The following ITPR3 variants were observed in gnomAD, a reference collection of about 807,000 sequenced individuals.
The protein encoded by ITPR3 is inositol 1,4,5-trisphosphate receptor type 3.
ITPR3 carries 173 observed loss-of-function variants against 293.2 expected under a neutral mutation model. The observed-to-expected ratio is 0.59, with a 90% CI of 0.52 to 0.67. ITPR3 has a LOEUF of 0.67. Among genes scored for constraint, ITPR3 ranks in the 30% least tolerant of loss-of-function variants. ITPR3 has a pLI of 0.00. For missense variants in ITPR3, 2,796 were observed against 3,592.1 expected (o/e 0.78, Z 5.66); for synonymous variants, 1,295 against 1,444.4 (o/e 0.90, Z 2.35).
At position 33,683,250 on chromosome 6, in the gene ITPR3, C is replaced by A; in HGVS notation, c.4641C>A (p.His1547Gln). ...TGCTGCCCATGGACCTGGATGCCCA[C>A]ATCAGCTCGATGCTCAGCAGTGGAG... Reference protein sequence around the residue: ...AILLPMDLDAHISSMLSSGAS... With the variant: ...AILLPMDLDAQISSMLSSGAS... The change falls in exon 35 of 58, where the codon CAC (histidine) becomes CAA (glutamine). Residue 1547 changes from histidine to glutamine, a missense_variant. Coordinates refer to ENST00000605930, the MANE Select transcript of ITPR3 (RefSeq NM_002224.4). The surrounding 1 kb of genome is among the most constrained non-coding windows in gnomAD (Gnocchi z 4.5). 1.3e-6 allele frequency: 2 copies of A among 1,563,482 alleles called. No individual in the cohort carries two copies. The highest frequency in any genetic ancestry group is 1.7e-6 in the Non-Finnish European group (2 of 1,152,986).
Position 33,692,696 on chromosome 6 carries a change from C to G in ITPR3, c.7459-32C>G, listed in dbSNP as rs1270293246. 1.2e-6 allele frequency: 2 copies of G among 1,608,662 alleles called. No individual in the cohort carries two copies. The highest frequency in any genetic ancestry group is 2.2e-5 in the South Asian group (2 of 90,514). ...TTGCCCCAGTGAATGTGGGGACCAC[C>G]GGGCCCAGCCTCCCTGCCTCATCCC... On this transcript the variant is annotated intron_variant, in intron 54 of 57. Coordinates refer to ENST00000605930, the MANE Select transcript of ITPR3 (RefSeq NM_002224.4). This position sits in a 1 kb window ranked among gnomAD's most constrained non-coding sequence, Gnocchi z 4.2.
chr6:33,684,291 G>A lies in ITPR3; in HGVS notation c.4938-66G>A. On this transcript the variant is annotated intron_variant, in intron 36 of 57. Transcript: ENST00000605930. The surrounding 1 kb of genome is among the most constrained non-coding windows in gnomAD (Gnocchi z 4.2). ...CCTGGGGGTGTTCCTGCCTGGGATG[G>A]GGTGGGGAAGTAGCTGGAGGGAGGC... The A allele has an allele frequency of 6.3e-7, 1 of 1,593,048 alleles. No homozygotes were observed. The highest frequency in any genetic ancestry group is 8.6e-7 in the Non-Finnish European group (1 of 1,162,514).
chr6:33,686,869 G>T, intron 43 of ITPR3, 140 bp from the exon 44 acceptor site: 1 of 704,676 alleles, frequency 1.4e-6, no homozygotes, highest in Non-Finnish European at 2.4e-6. Flanking sequence ...TCATTAAGCC[G>T]GGGGGAGGGA....
intron 24 of ITPR3, among the ~76,000 whole-genome samples, chr6:33,674,713 A>T (rs1381138138): frequency 2.0e-5 from 3 of 152,208 alleles, no homozygotes; most frequent in Non-Finnish European, 4.4e-5. Context: ...CAGAATGGTG[A>T]TTGTAAACTC....
chr6:33,693,704 A>C lies in ITPR3; in HGVS notation c.7784A>C (p.Lys2595Thr), dbSNP rs1765457740. ...GPESYVAQMI[K>T]NKNLDWFPRM... ...GAGAGCTACGTGGCCCAGATGATCA[A>C]GGTGTGAGCAGGGGCTGTGCCAGGC... The change falls in exon 56 of 58, where the codon AAG (lysine) becomes ACG (threonine). Residue 2595 changes from lysine to threonine, a missense_variant and splice_region_variant. Physicochemically the swap from Lys to Thr is moderately conservative, Grantham distance 78. This residue lies in a region of ITPR3 where 568 missense variants were observed against 796.1 expected (regional missense o/e 0.71). Transcript: ENST00000605930. 6.2e-7 allele frequency: 1 copy of C among 1,613,880 alleles called. No individual in the cohort carries two copies. Among genetic ancestry groups the C allele is most frequent in the African/African-American group, 1.3e-5 (1 of 74,950 alleles).
rs1208585381 is a variant in ITPR3 at position 33,664,165 on chromosome 6, C to T, written c.1148+285C>T. Among the ~76,000 whole-genome samples, 1 of 152,232 alleles carries T rather than the reference C, an allele frequency of 6.6e-6. No homozygotes were observed. Among genetic ancestry groups the T allele is most frequent in the African/African-American group, 2.4e-5 (1 of 41,448 alleles). On this transcript the variant is annotated intron_variant, in intron 11 of 57. Transcript: ENST00000605930. The surrounding 1 kb of genome is among the most constrained non-coding windows in gnomAD (Gnocchi z 4.4). The stretch of plus-strand genomic sequence containing the variant: ...ACACCAGCAGCACAGGGAACCCAAA[C>T]ACTGGATGGGAAGGCCAGACTCTCT...
chr6:33,655,738 C>T lies in ITPR3; in HGVS notation c.161-28C>T. On this transcript the variant is annotated intron_variant, in intron 2 of 57. Transcript: ENST00000605930. This position sits in a 1 kb window ranked among gnomAD's most constrained non-coding sequence, Gnocchi z 4.9. ...GCCCTGAGCCCCAGATGAATCATTC[C>T]CCTCACCCCCAACCTGCCCCACCAC... 6.2e-7 allele frequency: 1 copy of T among 1,613,618 alleles called. No individual in the cohort carries two copies. The highest frequency in any genetic ancestry group is 8.5e-7 in the Non-Finnish European group (1 of 1,179,728).
At position 33,684,150 on chromosome 6, in the gene ITPR3, G is replaced by C; in HGVS notation, c.4919G>C (p.Ser1640Thr). The C allele has an allele frequency of 6.2e-7, 1 of 1,610,932 alleles. No individual in the cohort carries two copies. The highest frequency in any genetic ancestry group is 8.5e-7 in the Non-Finnish European group (1 of 1,179,822). ...EGSEAYQRCESGGFLSKLIQH... is the reference protein window; with the variant it reads ...EGSEAYQRCETGGFLSKLIQH... ...AGTGAGGCCTACCAGCGCTGCGAGAGTGGGGGCTTCCTGTCCAAGTGAGCG... is the reference window on the plus strand; with the variant it reads ...AGTGAGGCCTACCAGCGCTGCGAGACTGGGGGCTTCCTGTCCAAGTGAGCG... Residue 1640 changes from serine (S) to threonine (T), a missense_variant, in exon 36 of 58, where the codon AGT (serine) becomes ACT (threonine). Coordinates refer to ENST00000605930, the MANE Select transcript of ITPR3 (RefSeq NM_002224.4). This position sits in a 1 kb window ranked among gnomAD's most constrained non-coding sequence, Gnocchi z 4.2.
chr6:33,638,384 G>A lies in ITPR3; in HGVS notation c.90-2100G>A, dbSNP rs147026451. Among the ~76,000 whole-genome samples the A allele has an allele frequency of 9.2e-5, 14 of 152,336 alleles. No homozygotes were observed. In the East Asian group the frequency reaches 2.3e-3, roughly 25 times the overall value. On this transcript the variant is annotated intron_variant, in intron 1 of 57. Transcript: ENST00000605930. The surrounding 1 kb of genome is among the most constrained non-coding windows in gnomAD (Gnocchi z 4.3). ...GGCTCTCTCCTTCCAGGAGGAGGTC[G>A]TGACGGAGGTGGGGCTGAAAATGGG... is the stretch of plus-strand genomic sequence containing the variant.
Position 33,668,116 on chromosome 6 carries a change from C to A in ITPR3, c.1886+152C>A, listed in dbSNP as rs1403333203. On this transcript the variant is annotated intron_variant, in intron 16 of 57. Transcript: ENST00000605930. ...TGGCTCAGCACTGGGAGGCCCTAGC[C>A]TCCCTAGCCCTTCTCTGGGATCCCC... 4.5e-6 allele frequency: 4 copies of A among 891,170 alleles called. No homozygotes were observed. In the Admixed American group the frequency reaches 1.2e-4, roughly 26 times the overall value. The allele number at this position is 891,170 out of a possible 1,614,324, so 55.2% of individuals were successfully genotyped here. A position where few individuals can be genotyped will look rare whatever the true frequency, so the allele number is the denominator to read the frequency against.
intron 2 of ITPR3, among the ~76,000 whole-genome samples, chr6:33,651,333 C>T (rs1764187379): frequency 6.6e-6 from 1 of 151,770 alleles, no homozygotes; most frequent in Non-Finnish European, 1.5e-5. Flanking sequence ...AGGTACCTTC[C>T]TCCAGGAAGG....
In ITPR3 at chr6:33,667,705, G is replaced by A; in HGVS notation, c.1714-87G>A. ...TTCTAGGGTATTGGGTCCTTACCTCGGGGTTTGGGGGCAGCGTTCCAGAGC... is the reference window on the plus strand; with the variant it reads ...TTCTAGGGTATTGGGTCCTTACCTCAGGGTTTGGGGGCAGCGTTCCAGAGC... On this transcript the variant is annotated intron_variant, in intron 15 of 57. Coordinates refer to ENST00000605930, the MANE Select transcript of ITPR3 (RefSeq NM_002224.4). The surrounding 1 kb of genome is among the most constrained non-coding windows in gnomAD (Gnocchi z 4.4). 5 of 1,471,538 alleles carry A rather than the reference G, an allele frequency of 3.4e-6. No individual in the cohort carries two copies. The highest frequency in any genetic ancestry group is 4.6e-6 in the Non-Finnish European group (5 of 1,077,066). 91.2% of individuals were successfully genotyped at this position (1,471,538 alleles called of 1,614,324 possible). A position where few individuals can be genotyped will look rare whatever the true frequency, so the allele number is the denominator to read the frequency against.
intron 51 of ITPR3, 38 bp downstream of exon 51, chr6:33,690,236 A>AT: frequency 2.4e-5 from 24 of 995,200 alleles, no homozygotes; most frequent in South Asian, 3.8e-5. Flanking sequence ...GGATGGGGGC[A>AT]TGGGGTGGTT....
chr6:33,689,007 A>G (rs1765316616), intron 49 of ITPR3, among the ~76,000 whole-genome samples: 3 of 152,234 alleles, frequency 2.0e-5, no homozygotes, highest in Admixed American at 2.0e-4. Flanking sequence ...GCATGCAGGC[A>G]CGTGCACACG....
At position 33,691,773 on chromosome 6, in the gene ITPR3, C is replaced by T. The variant is rs752648822; in HGVS notation, c.7331-28C>T. 6.6e-5 allele frequency: 107 copies of T among 1,613,552 alleles called. No individual in the cohort carries two copies. Among genetic ancestry groups the T allele is most frequent in the Middle Eastern group, 1.6e-4 (1 of 6,084 alleles). On this transcript the variant is annotated intron_variant, in intron 53 of 57. Transcript: ENST00000605930. The surrounding 1 kb of genome is among the most constrained non-coding windows in gnomAD (Gnocchi z 4.9). The stretch of plus-strand genomic sequence containing the variant: ...TGTGGGGTAGGAGGAGCAGGCAGCC[C>T]GGGCCTCAGCACACTCTCCGCTTGC...
Position 33,662,608 on chromosome 6 carries a change from C to T in ITPR3, c.792C>T (p.Phe264=), listed in dbSNP as rs778146218. The change falls in exon 8 of 58, where the codon TTC becomes TTT. Residue 264 remains phenylalanine (F), a synonymous_variant. Transcript: ENST00000605930. ...CDEYKGKLQV[F]LRTTLRQSAT... ...AGTACAAGGGCAAGCTGCAGGTGTTCCTGCGAACTACACTGCGCCAGTCTG... is the reference window on the plus strand; with the variant it reads ...AGTACAAGGGCAAGCTGCAGGTGTTTCTGCGAACTACACTGCGCCAGTCTG... 3.7e-6 allele frequency: 6 copies of T among 1,612,074 alleles called. No homozygotes were observed. Among genetic ancestry groups the T allele is most frequent in the Non-Finnish European group, 4.2e-6 (5 of 1,179,952 alleles).
At chr6:33,671,879 T>A (rs1468559500) in intron 21 of ITPR3, 150 bp from the exon 22 acceptor site, 7 of 723,044 alleles carry the variant, frequency 9.7e-6, no homozygotes, top group Non-Finnish European at 1.5e-5. Flanking sequence ...GAAGCCTTCC[T>A]GGGTTAGCCC....
At chr6:33,659,794 TCC>T (rs1561862496) in intron 7 of ITPR3, among the ~76,000 whole-genome samples, 1 of 152,156 alleles carries the variant, frequency 6.6e-6, no homozygotes, top group Non-Finnish European at 1.5e-5. Context: ...CTTTGTTTTC[TCC>T]CTTGTTTAAG....
In ITPR3 at chr6:33,684,453, G is replaced by T; in HGVS notation, c.5034G>T (p.Lys1678Asn). The change falls in exon 37 of 58, where the codon AAG (lysine) becomes AAT (asparagine). Residue 1678 changes from lysine to asparagine, a missense_variant. By Grantham distance (94) the Lys-to-Asn change is moderately conservative. Transcript: ENST00000605930. This position sits in a 1 kb window ranked among gnomAD's most constrained non-coding sequence, Gnocchi z 4.2. ...TLQQMLLKKT[K>N]YGDRGNQLRK... ...AGCAGATGCTGCTCAAGAAGACCAA[G>T]TACGGGGACCGGGTGAGTGCCCTGG... The T allele has an allele frequency of 6.2e-7, 1 of 1,614,080 alleles. No individual in the cohort carries two copies. Among genetic ancestry groups the T allele is most frequent in the Non-Finnish European group, 8.5e-7 (1 of 1,179,956 alleles).
Sources: gnomAD v4.1 joint callset for allele counts (sites outside exome capture counted in the v4.1 genomes callset) on GRCh38, gnomAD v4.1.1 for gene constraint, gnomAD v4.1.1 regional missense constraint, Gnocchi (gnomAD v3.1) non-coding constraint, MANE v1.5 for transcripts, NCBI Gene and HGNC (gene_info 2026-07-23, HGNC 2026-07-21) for gene names.